Variants in ERCC6L2 observed in about 807,000 individuals in gnomAD.
ERCC6L2 encodes the protein DNA excision repair protein ERCC-6-like 2.
In ERCC6L2, 77 loss-of-function variants were observed where a neutral mutation model predicts 132.0. That is an observed-to-expected ratio of 0.58 (90% CI 0.49 to 0.71). The LOEUF is 0.71. Ranked by LOEUF, ERCC6L2 falls within the 30% of genes least tolerant of loss-of-function variation. ERCC6L2 has a pLI of 0.00. For synonymous variants in ERCC6L2, 583 were observed against 632.4 expected (o/e 0.92, Z 1.17); for missense variants, 1,542 against 1,837.6 (o/e 0.84, Z 2.94).
intron 3 of ERCC6L2, among the ~76,000 whole-genome samples, chr9:95,902,494 A>AT (rs1480655033): frequency 6.6e-6 from 1 of 152,194 alleles, no homozygotes; most frequent in Non-Finnish European, 1.5e-5. Context: ...AGTTCTTCAT[A>AT]TGTACCAAGA....
chr9:95,939,837 A>G (rs1400580054), intron 11 of ERCC6L2, among the ~76,000 whole-genome samples: 4 of 152,094 alleles, frequency 2.6e-5, no homozygotes, highest in African/African-American at 9.7e-5. Context: ...GGTTCTTGGT[A>G]TAAGTGATTT....
chr9:96,020,844 G>A (rs532286583), downstream of ERCC6L2: 1 of 456,772 alleles, frequency 2.2e-6, no homozygotes. Context: ...AAACCCCAGA[G>A]CAGCAGCAAC....
intron 11 of ERCC6L2, among the ~76,000 whole-genome samples, chr9:95,932,271 A>T (rs1416948585): frequency 1.3e-5 from 2 of 151,870 alleles, no homozygotes; most frequent in African/African-American, 2.4e-5. Flanking sequence ...TCACCATATT[A>T]TCCAGGCTGG....
chr9:95,983,099 C>T (rs1832955406), intron 17 of ERCC6L2, among the ~76,000 whole-genome samples: 1 of 152,076 alleles, frequency 6.6e-6, no homozygotes. Context: ...AGGGGTGATG[C>T]GTAAATAAGT....
rs1405799169 is a variant in ERCC6L2, at chr9:96,006,761, T to G, written c.3674+2060T>G. On this transcript the variant is annotated intron_variant, in intron 18 of 18. Transcript: ENST00000653738. Reference sequence around the variant, plus strand: ...GAGAAGGGACAAACACAGGCACAGATGTGACATTTTCTCAATGAGTTGAGA... The same window carrying G: ...GAGAAGGGACAAACACAGGCACAGAGGTGACATTTTCTCAATGAGTTGAGA... Among the ~76,000 whole-genome samples the G allele has an allele frequency of 2.6e-5, 4 of 152,068 alleles. No individual in the cohort carries two copies. In the East Asian group the frequency reaches 5.8e-4, roughly 22 times the overall value.
intron 17 of ERCC6L2, among the ~76,000 whole-genome samples, chr9:96,003,491 C>A (rs1463119180): frequency 6.6e-6 from 1 of 152,228 alleles, no homozygotes; most frequent in Non-Finnish European, 1.5e-5. Context: ...TGGCCTACTT[C>A]TAGCCTGTGT....
At chr9:95,949,103 A>G (rs1831207707) in intron 12 of ERCC6L2, among the ~76,000 whole-genome samples, 1 of 152,192 alleles carries the variant, frequency 6.6e-6, no homozygotes, top group African/African-American at 2.4e-5. Context: ...TGAAAAATTC[A>G]CTAGAGGAGT....
At chr9:95,984,874 G>A (rs1190715272) in intron 17 of ERCC6L2, among the ~76,000 whole-genome samples, 1 of 152,116 alleles carries the variant, frequency 6.6e-6, no homozygotes, top group East Asian at 1.9e-4. Context: ...AAATTATCTG[G>A]AGATGACATT....
chr9:95,917,243 T>C (rs928110694), intron 6 of ERCC6L2, among the ~76,000 whole-genome samples: 1 of 152,212 alleles, frequency 6.6e-6, no homozygotes, highest in Non-Finnish European at 1.5e-5. Context: ...AACTACATTG[T>C]TAAATTGTTC....
At chr9:96,035,511 A>T (rs1373114180) in intron 19 of ERCC6L2, among the ~76,000 whole-genome samples, 1 of 151,960 alleles carries the variant, frequency 6.6e-6, no homozygotes, top group Non-Finnish European at 1.5e-5. Context: ...AGCTTCAGAG[A>T]TCTGCAGAGA....
At chr9:95,970,238 T>C (rs1039722896) in intron 14 of ERCC6L2, among the ~76,000 whole-genome samples, 1 of 152,168 alleles carries the variant, frequency 6.6e-6, no homozygotes, top group South Asian at 2.1e-4. Context: ...TGGGAATGGT[T>C]GTTATGGATA....
At chr9:95,996,563 G>A (rs1042681107) in intron 17 of ERCC6L2, among the ~76,000 whole-genome samples, 1 of 152,218 alleles carries the variant, frequency 6.6e-6, no homozygotes, top group Non-Finnish European at 1.5e-5. Context: ...ACAGGCTGAC[G>A]CTCTTGTTAG....
At chr9:96,039,492 A>G (rs538416047) in intron 20 of ERCC6L2, among the ~76,000 whole-genome samples, 2 of 151,638 alleles carry the variant, frequency 1.3e-5, no homozygotes, top group South Asian at 4.2e-4. Context: ...GGGGAGGGGG[A>G]GGGTCAGTAG....
intron 14 of ERCC6L2, among the ~76,000 whole-genome samples, chr9:95,970,105 A>C (rs899124161): frequency 3.9e-5 from 6 of 152,112 alleles, no homozygotes; most frequent in African/African-American, 1.2e-4. Flanking sequence ...CCTACACCTA[A>C]GGGGTATTTT....
At chr9:95,939,747 T>C (rs1292006872) in intron 11 of ERCC6L2, among the ~76,000 whole-genome samples, 2 of 152,208 alleles carry the variant, frequency 1.3e-5, no homozygotes, top group Middle Eastern at 3.2e-3. Flanking sequence ...ATTTTTATGA[T>C]GGCTTTGTTA....
chr9:96,010,494 C>CG (rs1476145981), intron 18 of ERCC6L2, among the ~76,000 whole-genome samples: 1 of 152,180 alleles, frequency 6.6e-6, no homozygotes, highest in African/African-American at 2.4e-5. Context: ...ACTTGGCCTA[C>CG]GGACCCCCTA....
chr9:95,952,091 G>A (rs867039149), intron 12 of ERCC6L2, among the ~76,000 whole-genome samples: 7 of 145,042 alleles, frequency 4.8e-5, no homozygotes, highest in Non-Finnish European at 9.0e-5. Context: ...TAGCTTAAAC[G>A]AGGGAGTTGG....
chr9:95,961,237 C>G (rs1049431985), intron 13 of ERCC6L2, among the ~76,000 whole-genome samples: 9 of 151,928 alleles, frequency 5.9e-5, no homozygotes, highest in Non-Finnish European at 8.8e-5. Flanking sequence ...TGAGAGTGGT[C>G]CCTAATCCAT....
At chr9:95,890,214 A>T (rs1828086746) in intron 2 of ERCC6L2, among the ~76,000 whole-genome samples, 1 of 152,192 alleles carries the variant, frequency 6.6e-6, no homozygotes, top group Admixed American at 6.5e-5. Context: ...TTGAGTAGGT[A>T]ATAAATATAT....
Sources: allele counts gnomAD v4.1 joint callset (sites outside exome capture counted in the v4.1 genomes callset), GRCh38; gene constraint gnomAD v4.1.1; transcripts MANE v1.5; gene names NCBI Gene and HGNC (gene_info 2026-07-23, HGNC 2026-07-21).